The following ERLIN1 variants were observed in gnomAD, a reference collection of about 807,000 sequenced individuals.
ERLIN1 encodes the protein ER lipid raft associated 1, also known as erlin-1.
A neutral mutation model predicts 46.9 loss-of-function variants in ERLIN1; 24 were observed. The ratio of observed to expected loss-of-function variants is 0.51; its 90% confidence interval spans 0.37 to 0.72. The LOEUF (loss-of-function observed/expected upper bound fraction) is 0.72, where lower values mean the gene tolerates loss of function less well. ERLIN1 is among the 30% of genes least tolerant of loss of function. The pLI, the probability that ERLIN1 is intolerant of heterozygous loss-of-function variation, is 0.00. For synonymous variants in ERLIN1, 158 were observed against 143.2 expected, an observed-to-expected ratio of 1.10 and a Z score of -0.74; for missense variants, 293 against 417.9, an observed-to-expected ratio of 0.70 and a Z score of 2.61.
intron 6 of ERLIN1, among the ~76,000 whole-genome samples, chr10:100,167,678 A>G (rs1843721306): frequency 6.6e-6 from 1 of 152,238 alleles, no homozygotes. Flanking sequence ...CTTATGAAAA[A>G]GGTTCTCACT....
At chr10:100,156,761 C>A (rs1325590601) in intron 8 of ERLIN1, among the ~76,000 whole-genome samples, 1 of 152,204 alleles carries the variant, frequency 6.6e-6, no homozygotes, top group Non-Finnish European at 1.5e-5. Context: ...GCCTGTAACC[C>A]CAGCACTTTG....
intron 7 of ERLIN1, among the ~76,000 whole-genome samples, chr10:100,165,547 T>C (rs867939441): frequency 4.7e-5 from 7 of 150,428 alleles, no homozygotes; most frequent in South Asian, 2.1e-4. Flanking sequence ...CCACCATGCC[T>C]GGCTAATTTT....
intron 2 of ERLIN1, among the ~76,000 whole-genome samples, chr10:100,181,333 AG>A (rs1302379520): frequency 2.0e-5 from 3 of 152,158 alleles, no homozygotes; most frequent in Non-Finnish European, 4.4e-5. Flanking sequence ...TGAAGGCTGA[AG>A]GTTTTCATAT....
chr10:100,152,203 G>A lies in ERLIN1; in HGVS notation c.975C>T (p.Ser325=), dbSNP rs1369207141. Residue 325 remains serine (S), a synonymous_variant, in exon 11 of 11, where the codon AGC becomes AGT. Coordinates refer to ENST00000421367, the MANE Select transcript of ERLIN1 (RefSeq NM_006459.4). ...KYSDIRTGRE[S]SLPSKEALEP... is the part of the protein sequence containing the mutation. ...CAAGAGCCTCCTTAGAGGGGAGTGA[G>A]CTTTCTCTTCCAGTCCTAATATCTG... 3.1e-6 allele frequency: 5 copies of A among 1,613,350 alleles called. No homozygotes were observed. Among genetic ancestry groups the A allele is most frequent in the Non-Finnish European group, 4.2e-6 (5 of 1,179,366 alleles).
At chr10:100,169,390 T>C (rs1427078757) in intron 6 of ERLIN1, among the ~76,000 whole-genome samples, 1 of 151,528 alleles carries the variant, frequency 6.6e-6, no homozygotes, top group African/African-American at 2.4e-5. Context: ...GTCTATAATA[T>C]AGTCACTCCC....
intron 8 of ERLIN1, among the ~76,000 whole-genome samples, chr10:100,160,687 C>T (rs1843322217): frequency 6.6e-6 from 1 of 152,148 alleles, no homozygotes; most frequent in South Asian, 2.1e-4. Context: ...TGGCTCACAC[C>T]TGTAATCCTA....
intron 2 of ERLIN1, among the ~76,000 whole-genome samples, chr10:100,181,577 C>T (rs980043397): frequency 3.1e-4 from 44 of 143,802 alleles, no homozygotes; most frequent in Non-Finnish European, 1.0e-4. Flanking sequence ...TGCAAGGGTA[C>T]GATCTCGGCT....
At chr10:100,184,605 C>T (rs552268432) in intron 1 of ERLIN1, among the ~76,000 whole-genome samples, 18 of 152,308 alleles carry the variant, frequency 1.2e-4, no homozygotes, top group African/African-American at 4.1e-4. Flanking sequence ...GTTTGAGGTT[C>T]ATTACTAATT....
chr10:100,151,132 G>A lies in ERLIN1; in HGVS notation c.*999C>T, dbSNP rs931027206. 6.6e-6 allele frequency: 1 copy of A among 152,618 alleles called. No homozygotes were observed. The highest frequency in any genetic ancestry group is 1.5e-5 in the Non-Finnish European group (1 of 68,052). 9.5% of individuals were successfully genotyped at this position (152,618 alleles called of 1,614,324 possible). ...CTAGGACTTGGGCCTTTAGACAGAG[G>A]TGATGGGGCAAATGAATATACCCCA... is the stretch of plus-strand genomic sequence containing the variant. On this transcript the variant is annotated 3_prime_UTR_variant, in exon 11 of 11. Transcript: ENST00000421367.
intron 6 of ERLIN1, among the ~76,000 whole-genome samples, chr10:100,170,151 G>A (rs1843906938): frequency 6.6e-6 from 1 of 152,178 alleles, no homozygotes; most frequent in Admixed American, 6.5e-5. Flanking sequence ...TTTAAAAGAT[G>A]ATGTCTCTTG....
At position 100,156,239 on chromosome 10, in the gene ERLIN1, A is replaced by C; in HGVS notation, c.656-5T>G. On this transcript the variant is annotated splice_polypyrimidine_tract_variant and splice_region_variant and intron_variant, in intron 8 of 10. Coordinates refer to ENST00000421367, the MANE Select transcript of ERLIN1 (RefSeq NM_006459.4). Reference sequence around the variant, plus strand: ...CTTGTGCAATCTTCTCTGCTTCTATAATCATACAACATAAGAAGACACATT... The same window carrying C: ...CTTGTGCAATCTTCTCTGCTTCTATCATCATACAACATAAGAAGACACATT... 1 of 1,597,808 alleles carries C rather than the reference A, an allele frequency of 6.3e-7. No individual in the cohort carries two copies. Among genetic ancestry groups the C allele is most frequent in the Non-Finnish European group, 8.6e-7 (1 of 1,165,906 alleles).
chr10:100,179,007 A>G (rs1844476514), intron 3 of ERLIN1, among the ~76,000 whole-genome samples, 194 bp downstream of exon 3: 1 of 152,254 alleles, frequency 6.6e-6, no homozygotes, highest in African/African-American at 2.4e-5. Flanking sequence ...CAATAATACC[A>G]TAAGAACAAT....
chr10:100,163,888 T>C (rs1277814168), intron 8 of ERLIN1, 116 bp downstream of exon 8: 7 of 656,554 alleles, frequency 1.1e-5, no homozygotes, highest in Non-Finnish European at 1.6e-5. Flanking sequence ...GATTCCAGAA[T>C]TCCCCACTAC....
chr10:100,185,750 T>C lies in ERLIN1; in HGVS notation c.-124A>G. 1.4e-6 allele frequency: 1 copy of C among 736,854 alleles called. No individual in the cohort carries two copies. The highest frequency in any genetic ancestry group is 2.4e-6 in the Non-Finnish European group (1 of 417,390). The allele number at this position is 736,854 out of a possible 1,614,324, so 45.6% of individuals were successfully genotyped here. On this transcript the variant is annotated 5_prime_UTR_variant, in exon 1 of 11. Transcript: ENST00000421367. ...CTCTCTCGCAGGCTGAGCCGGGGAG[T>C]CCAGTACCCCTGTCCCCTCATTCTT... is the stretch of plus-strand genomic sequence containing the variant.
chr10:100,155,894 T>C (rs1319424357), intron 9 of ERLIN1, among the ~76,000 whole-genome samples: 1 of 152,168 alleles, frequency 6.6e-6, no homozygotes, highest in Non-Finnish European at 1.5e-5. Context: ...GAAAATAAAG[T>C]GGTAGCTAAT....
At position 100,151,850 on chromosome 10, in the gene ERLIN1, C is replaced by A; in HGVS notation, c.*281G>T. The A allele has an allele frequency of 2.2e-6, 1 of 463,048 alleles. No individual in the cohort carries two copies. The highest frequency in any genetic ancestry group is 4.0e-6 in the Non-Finnish European group (1 of 249,576). 28.7% of individuals were successfully genotyped at this position (463,048 alleles called of 1,614,324 possible). A position where few individuals can be genotyped will look rare whatever the true frequency, so the allele number is the denominator to read the frequency against. ...GTTATATATTTAGTGTTTAACATTCCAGTGCAGGCAGTATCTTAGCATCAG... is the reference window on the plus strand; with the variant it reads ...GTTATATATTTAGTGTTTAACATTCAAGTGCAGGCAGTATCTTAGCATCAG... On this transcript the variant is annotated 3_prime_UTR_variant, in exon 11 of 11. Transcript: ENST00000421367.
chr10:100,178,838 G>A (rs1275330330), intron 3 of ERLIN1, among the ~76,000 whole-genome samples: 2 of 152,118 alleles, frequency 1.3e-5, no homozygotes, highest in African/African-American at 4.8e-5. Flanking sequence ...AATGTGTTGG[G>A]GAAAGAGGTA....
chr10:100,175,662 T>C (rs1844252596), intron 5 of ERLIN1, among the ~76,000 whole-genome samples: 1 of 152,188 alleles, frequency 6.6e-6, no homozygotes, highest in African/African-American at 2.4e-5. Context: ...AAGACACAGG[T>C]TTCTAAATTT....
rs1023863845 is a variant in ERLIN1, at chr10:100,178,662, C to T, written c.243-468G>A. The stretch of plus-strand genomic sequence containing the variant: ...GCATTTAACACTACAGATGAGAAGA[C>T]GGTGGGATGATTAATTTTAAACTAT... On this transcript the variant is annotated intron_variant, in intron 3 of 10. Coordinates refer to ENST00000421367, the MANE Select transcript of ERLIN1 (RefSeq NM_006459.4). 5.3e-5 allele frequency among the ~76,000 whole-genome samples: 8 copies of T among 152,288 alleles called. No individual in the cohort carries two copies. In the East Asian group the frequency reaches 9.6e-4, roughly 18 times the overall value.
Sources: gnomAD v4.1 joint callset for allele counts (sites outside exome capture counted in the v4.1 genomes callset) on GRCh38, gnomAD v4.1.1 for gene constraint, MANE v1.5 for transcripts, NCBI Gene and HGNC (gene_info 2026-07-23, HGNC 2026-07-21) for gene names.